The following PEAK1 variants were observed in gnomAD, a reference collection of about 807,000 sequenced individuals.
PEAK1 encodes pseudopodium enriched atypical kinase 1.
Under a neutral mutation model 124.7 loss-of-function variants are expected in PEAK1, and 54 were observed. The observed-to-expected ratio is 0.43, with a 90% CI of 0.35 to 0.54. The LOEUF is 0.54. Ranked by LOEUF, PEAK1 falls within the 20% of genes least tolerant of loss-of-function variation. The pLI is 0.01. For synonymous variants in PEAK1, 719 were observed against 760.0 expected, an observed-to-expected ratio of 0.95 and a Z score of 0.89; for missense variants, 2,046 against 2,134.5, an observed-to-expected ratio of 0.96 and a Z score of 0.82.
In PEAK1 at chr15:77,133,084, T is replaced by C. The variant is rs1335760102; in HGVS notation, c.3998A>G (p.Lys1333Arg). 3.1e-6 allele frequency: 5 copies of C among 1,614,092 alleles called. No homozygotes were observed. The highest frequency in any genetic ancestry group is 4.2e-6 in the Non-Finnish European group (5 of 1,180,034). The change falls in exon 9 of 10, where the codon AAA (lysine) becomes AGA (arginine). Residue 1333 changes from lysine to arginine, a missense_variant. Physicochemically the swap from Lys to Arg is conservative, Grantham distance 26. Transcript: ENST00000682557. This position sits in a 1 kb window ranked among gnomAD's most constrained non-coding sequence, Gnocchi z 4.2. ...SWSDFRLTSD[K>R]PCCEAGDAVY... The stretch of plus-strand genomic sequence containing the variant: ...CGCATCACCTGCCTCACAACATGGT[T>C]TGTCACTGGTTAGCCTGAAGTCTGA...
intron 5 of PEAK1, among the ~76,000 whole-genome samples, chr15:77,266,640 A>G (rs1432546506): frequency 6.6e-6 from 1 of 151,924 alleles, no homozygotes; most frequent in Non-Finnish European, 1.5e-5. Flanking sequence ...AGAAAAGACA[A>G]TCAATGGATA....
upstream of PEAK1, chr15:77,420,479 G>C (rs1257323977): frequency 1.2e-5 from 2 of 168,042 alleles, no homozygotes; most frequent in Non-Finnish European, 2.5e-5. Context: ...TTAAGCCGCA[G>C]AGGAAAAGAC....
rs116478012 is a variant in PEAK1, at chr15:77,367,574, T to C, written c.-665-2349A>G. Among the ~76,000 whole-genome samples, 659 of 152,312 alleles carry C rather than the reference T, an allele frequency of 4.3e-3. 6 individuals are homozygous for C. Among genetic ancestry groups the C allele is most frequent in the African/African-American group, 0.015 (625 of 41,568 alleles). The stretch of plus-strand genomic sequence containing the variant: ...ATGCTTAATGATAGGAAAATGCTCA[T>C]CTGTTGGGTAATTTGAAATGTGTAA... On this transcript the variant is annotated intron_variant, in intron 1 of 9. Transcript: ENST00000682557.
chr15:77,220,374 A>G (rs1193936848), intron 6 of PEAK1, among the ~76,000 whole-genome samples: 1 of 152,036 alleles, frequency 6.6e-6, no homozygotes, highest in Non-Finnish European at 1.5e-5. Context: ...TACCACTTAG[A>G]TGTTACTTGA....
chr15:77,298,197 A>ATTTTTT lies in PEAK1; in HGVS notation c.-602-11699_-602-11694dup, dbSNP rs749000554. 2.8e-3 allele frequency among the ~76,000 whole-genome samples: 105 copies of ATTTTTT among 37,818 alleles called. 21 individuals carry two copies. The highest frequency in any genetic ancestry group is 8.8e-3 in the African/African-American group (65 of 7,412). The allele number at this position is 37,818 out of a possible 152,430, so 24.8% of individuals were successfully genotyped here. On this transcript the variant is annotated intron_variant, in intron 2 of 9. Coordinates refer to ENST00000682557, the MANE Select transcript of PEAK1 (RefSeq NM_001385026.1). Reference sequence around the variant, plus strand: ...TAGCTTCTTTTGTTTGGTATCCTTAATTTTTTTTTTTTTTTTTTTTTTTTT... The same window carrying ATTTTTT: ...TAGCTTCTTTTGTTTGGTATCCTTAATTTTTTTTTTTTTTTTTTTTTTTTTTTTTTT...
intron 2 of PEAK1, chr15:77,337,913 C>T (rs930840585): frequency 1.0e-6 from 1 of 984,816 alleles, no homozygotes; most frequent in Non-Finnish European, 1.2e-6. Flanking sequence ...ACAGCTAAAT[C>T]TGTCAATAAT....
intron 2 of PEAK1, among the ~76,000 whole-genome samples, chr15:77,357,687 CTAA>C (rs1302167146): frequency 6.6e-6 from 1 of 152,132 alleles, no homozygotes; most frequent in Non-Finnish European, 1.5e-5. Context: ...AAATAAAGTG[CTAA>C]TGTTAGTTTC....
In PEAK1 at chr15:77,133,029, A is replaced by G. The variant is rs771003400; in HGVS notation, c.4053T>C (p.Asp1351=). 1 of 1,611,214 alleles carries G rather than the reference A, an allele frequency of 6.2e-7. No individual in the cohort carries two copies. Among genetic ancestry groups the G allele is most frequent in the Non-Finnish European group, 8.5e-7 (1 of 1,177,516 alleles). The part of the protein sequence containing the change: ...AVYYTASYAK[D]PLNNYAVKIC... ...CCTTGACTGCATAGTTATTAAGTGG[A>G]TCTTTTGCATATGAAGCAGTATAGT... The change falls in exon 9 of 10, where the codon GAT becomes GAC. Residue 1351 remains aspartate, a synonymous_variant. Coordinates refer to ENST00000682557, the MANE Select transcript of PEAK1 (RefSeq NM_001385026.1). This position sits in a 1 kb window ranked among gnomAD's most constrained non-coding sequence, Gnocchi z 4.2.
chr15:77,193,215 A>G (rs12913049), intron 6 of PEAK1, among the ~76,000 whole-genome samples: 11,695 of 152,318 alleles, frequency 0.077, 561 homozygotes, highest in Non-Finnish European at 0.1. Flanking sequence ...CTCTATGGAT[A>G]TAGTTATCTG....
At chr15:77,350,027 C>G in intron 2 of PEAK1, 1 of 985,048 alleles carries the variant, frequency 1.0e-6, no homozygotes, top group Non-Finnish European at 1.2e-6. Context: ...CATAGAACAG[C>G]AATGTAGGAA....
intron 2 of PEAK1, among the ~76,000 whole-genome samples, chr15:77,330,744 T>C (rs1380926878): frequency 1.3e-5 from 2 of 152,208 alleles, no homozygotes; most frequent in Admixed American, 1.3e-4. Context: ...TAAAACGGCA[T>C]TCTCTCCCTT....
rs779734780 is a variant in PEAK1 at position 77,114,193 on chromosome 15, G to A, written c.5204C>T (p.Ser1735Phe). Residue 1735 changes from serine (S) to phenylalanine (F), a missense_variant, in exon 10 of 10, where the codon TCC (serine) becomes TTC (phenylalanine). Ser to Phe is a radical substitution (Grantham distance 155). Coordinates refer to ENST00000682557, the MANE Select transcript of PEAK1 (RefSeq NM_001385026.1). ...CAGAATTTTCACAATACAACTGAGG[G>A]AGTCTGTAGTGGCAAAAGCCAAATA... ...AQYLAFATTDSLSCIVKILQH... is the reference protein window; with the variant it reads ...AQYLAFATTDFLSCIVKILQH... 12 of 1,614,184 alleles carry A rather than the reference G, an allele frequency of 7.4e-6. No individual in the cohort carries two copies. In the South Asian group the frequency reaches 7.7e-5, roughly 10 times the overall value.
At chr15:77,171,730 T>C (rs1400634857) in intron 7 of PEAK1, among the ~76,000 whole-genome samples, 1 of 152,210 alleles carries the variant, frequency 6.6e-6, no homozygotes, top group African/African-American at 2.4e-5. Flanking sequence ...ATAATGGATA[T>C]GCTAATTTCC....
At chr15:77,314,474 A>G (rs1480753310) in intron 2 of PEAK1, among the ~76,000 whole-genome samples, 1 of 151,952 alleles carries the variant, frequency 6.6e-6, no homozygotes, top group Non-Finnish European at 1.5e-5. Flanking sequence ...GGTTCAAGCG[A>G]TTCTCCTGCC....
chr15:77,224,374 T>C (rs988791667), intron 6 of PEAK1, among the ~76,000 whole-genome samples: 22 of 152,056 alleles, frequency 1.4e-4, no homozygotes, highest in African/African-American at 5.1e-4. Context: ...CTTAATTATC[T>C]GGTTTTTACT....
At chr15:77,388,406 A>G (rs2070145379) in intron 1 of PEAK1, among the ~76,000 whole-genome samples, 1 of 152,156 alleles carries the variant, frequency 6.6e-6, no homozygotes, top group Non-Finnish European at 1.5e-5. Context: ...GTATTACAAC[A>G]CTTGCTCAGA....
Position 77,133,668 on chromosome 15 carries a change from C to G in PEAK1, c.3414G>C (p.Gly1138=). The G allele has an allele frequency of 1.9e-6, 3 of 1,614,042 alleles. No homozygotes were observed. The highest frequency in any genetic ancestry group is 2.5e-6 in the Non-Finnish European group (3 of 1,180,000). ...CATTGGGTGCTTCTTGGTCTGTTTT[C>G]CCTCCAAAGGCGATGGCATCGTCCA... is the stretch of plus-strand genomic sequence containing the variant. ...GAVDDAIAFG[G]KTDQEAPNAS... The change falls in exon 9 of 10, where the codon GGG becomes GGC. Residue 1138 remains glycine (G), a synonymous_variant. Transcript: ENST00000682557. The surrounding 1 kb of genome is among the most constrained non-coding windows in gnomAD (Gnocchi z 4.2).
intron 2 of PEAK1, among the ~76,000 whole-genome samples, chr15:77,345,552 CA>C (rs1382047073): frequency 1.3e-5 from 2 of 152,128 alleles, no homozygotes; most frequent in African/African-American, 4.8e-5. Context: ...CTGGGAATTA[CA>C]TCAGATAAAA....
intron 6 of PEAK1, among the ~76,000 whole-genome samples, chr15:77,248,231 G>A (rs562784375): frequency 6.6e-6 from 1 of 152,096 alleles, no homozygotes; most frequent in African/African-American, 2.4e-5. Context: ...TTTGGTAGTT[G>A]AGATGAGGTT....
Sources: allele counts gnomAD v4.1 joint callset (sites outside exome capture counted in the v4.1 genomes callset), GRCh38; gene constraint gnomAD v4.1.1; non-coding constraint Gnocchi (gnomAD v3.1); transcripts MANE v1.5; gene names NCBI Gene and HGNC (gene_info 2026-07-23, HGNC 2026-07-21).